Variants in PKNOX2 observed in about 807,000 individuals in gnomAD.
PKNOX2 encodes PBX/knotted 1 homeobox 2, also known as homeobox protein PKNOX2.
Under a neutral mutation model 53.1 loss-of-function variants are expected in PKNOX2, and 14 were observed. That is an observed-to-expected ratio of 0.26 (90% CI 0.17 to 0.41). PKNOX2 has a LOEUF of 0.41. Among genes scored for constraint, PKNOX2 ranks in the 10% least tolerant of loss-of-function variants. The pLI is 1.00. For missense variants in PKNOX2, 496 were observed against 602.8 expected, an observed-to-expected ratio of 0.82 and a Z score of 1.85; for synonymous variants, 257 against 242.8, an observed-to-expected ratio of 1.06 and a Z score of -0.54.
rs1459880754 is a variant in PKNOX2 at position 125,427,195 on chromosome 11, GC to G, written c.937-1812del. On this transcript the variant is annotated intron_variant, in intron 10 of 12. Coordinates refer to ENST00000298282, the MANE Select transcript of PKNOX2 (RefSeq NM_001382323.2). ...GAGCTCCCAGAGTCCTTGCCTCTCTGCCCCCTGGGGCCATCTGCACCCTCTC... is the reference window on the plus strand; with the variant it reads ...GAGCTCCCAGAGTCCTTGCCTCTCTGCCCCTGGGGCCATCTGCACCCTCTC... 5.3e-5 allele frequency among the ~76,000 whole-genome samples: 8 copies of G among 152,196 alleles called. No individual in the cohort carries two copies. The East Asian group carries it at 1.5e-3, about 29-fold the overall frequency.
At chr11:125,290,338 G>T (rs1000951083) in intron 2 of PKNOX2, among the ~76,000 whole-genome samples, 3 of 152,222 alleles carry the variant, frequency 2.0e-5, no homozygotes, top group African/African-American at 7.2e-5. Flanking sequence ...GTGCTTTTGG[G>T]GAAATGGAGT....
At chr11:125,280,231 C>T (rs1204490275) in intron 2 of PKNOX2, among the ~76,000 whole-genome samples, 2 of 151,834 alleles carry the variant, frequency 1.3e-5, no homozygotes, top group Non-Finnish European at 1.5e-5. Context: ...TTGCACTATT[C>T]CCAGTACAGT....
intron 1 of PKNOX2, among the ~76,000 whole-genome samples, chr11:125,231,815 G>A (rs1942232301): frequency 6.6e-6 from 1 of 152,114 alleles, no homozygotes; most frequent in South Asian, 2.1e-4. Flanking sequence ...TCTTTATTTT[G>A]GGGGAGATGA....
chr11:125,360,808 T>C (rs1951883482), intron 4 of PKNOX2, among the ~76,000 whole-genome samples: 1 of 152,238 alleles, frequency 6.6e-6, no homozygotes. Context: ...CTACTTTGCA[T>C]ATAATTGTCT....
intron 2 of PKNOX2, among the ~76,000 whole-genome samples, chr11:125,285,354 G>A (rs1341602117): frequency 6.6e-6 from 1 of 152,182 alleles, no homozygotes; most frequent in East Asian, 1.9e-4. Context: ...TAAGGATATT[G>A]AAGGGTATTA....
At chr11:125,248,394 T>G (rs1206516092) in intron 2 of PKNOX2, among the ~76,000 whole-genome samples, 1 of 152,140 alleles carries the variant, frequency 6.6e-6, no homozygotes, top group Non-Finnish European at 1.5e-5. Context: ...ACACTGATAC[T>G]CTACAGGCAA....
chr11:125,242,007 G>T (rs1448413811), intron 2 of PKNOX2, among the ~76,000 whole-genome samples: 2 of 152,238 alleles, frequency 1.3e-5, no homozygotes, highest in South Asian at 2.1e-4. Context: ...GGTGGAGGGG[G>T]ATGGCGGCGG....
intron 1 of PKNOX2, among the ~76,000 whole-genome samples, chr11:125,198,426 G>C (rs1938011778): frequency 6.6e-6 from 1 of 152,182 alleles, no homozygotes; most frequent in Non-Finnish European, 1.5e-5. Context: ...AGGGTAAGAA[G>C]GACGGTGCAT....
intron 1 of PKNOX2, among the ~76,000 whole-genome samples, chr11:125,175,243 G>GGAAGGAAGGAAGGAAT (rs2075477908): frequency 9.7e-6 from 1 of 102,834 alleles, no homozygotes; most frequent in African/African-American, 3.2e-5. Flanking sequence ...AAGGAAGGAA[G>GGAAGGAAGGAAGGAAT]GAAGGAAAGA....
chr11:125,397,821 G>A (rs1954503452), intron 6 of PKNOX2, 53 bp from the exon 7 acceptor site: 1 of 1,538,788 alleles, frequency 6.5e-7, no homozygotes, highest in South Asian at 1.3e-5. Flanking sequence ...GGTCCAGGCA[G>A]TGAGGGAAAT....
intron 2 of PKNOX2, among the ~76,000 whole-genome samples, chr11:125,236,175 C>T (rs898643493): frequency 6.6e-6 from 1 of 152,212 alleles, no homozygotes; most frequent in Non-Finnish European, 1.5e-5. Flanking sequence ...AACATCCTGC[C>T]GATGGCTGCC....
At chr11:125,404,025 G>A (rs1170090173) in intron 7 of PKNOX2, among the ~76,000 whole-genome samples, 1 of 152,102 alleles carries the variant, frequency 6.6e-6, no homozygotes, top group Non-Finnish European at 1.5e-5. Context: ...GAAGGGGTAG[G>A]GGGCCATCAC....
At chr11:125,248,981 A>C (rs1424136035) in intron 2 of PKNOX2, among the ~76,000 whole-genome samples, 1 of 136,638 alleles carries the variant, frequency 7.3e-6, no homozygotes, top group Non-Finnish European at 1.6e-5. Flanking sequence ...TACATATAAT[A>C]TATGTATATA....
chr11:125,236,574 C>T (rs1001368013), intron 2 of PKNOX2, among the ~76,000 whole-genome samples: 3 of 152,168 alleles, frequency 2.0e-5, no homozygotes, highest in Non-Finnish European at 2.9e-5. Context: ...TGAGGGCAGC[C>T]GGGCACCTGG....
At chr11:125,363,454 C>T (rs1952027907) in intron 4 of PKNOX2, among the ~76,000 whole-genome samples, 1 of 152,192 alleles carries the variant, frequency 6.6e-6, no homozygotes, top group South Asian at 2.1e-4. Context: ...AGCATCAAAC[C>T]CAGGGCCGGA....
At chr11:125,329,140 T>A (rs1950004868) in intron 2 of PKNOX2, among the ~76,000 whole-genome samples, 1 of 152,214 alleles carries the variant, frequency 6.6e-6, no homozygotes, top group African/African-American at 2.4e-5. Flanking sequence ...AGTATACCCA[T>A]AAATGGAATG....
At chr11:125,347,188 G>A (rs1170809155) in intron 3 of PKNOX2, among the ~76,000 whole-genome samples, 6 of 152,130 alleles carry the variant, frequency 3.9e-5, no homozygotes, top group Non-Finnish European at 8.8e-5. Context: ...GGGTGGGACA[G>A]TGAGGGGCCA....
chr11:125,256,053 A>G (rs1038363478), intron 2 of PKNOX2, among the ~76,000 whole-genome samples: 2 of 151,976 alleles, frequency 1.3e-5, no homozygotes, highest in Non-Finnish European at 2.9e-5. Context: ...GAGTTCTCCA[A>G]TCTCAGGAAA....
chr11:125,324,618 C>T (rs1486188289), intron 2 of PKNOX2, among the ~76,000 whole-genome samples: 2 of 152,136 alleles, frequency 1.3e-5, no homozygotes, highest in Admixed American at 6.5e-5. Context: ...GTGGCTGGAA[C>T]GGTCCTCGTG....
Sources: allele counts gnomAD v4.1 joint callset (sites outside exome capture counted in the v4.1 genomes callset), GRCh38; gene constraint gnomAD v4.1.1; transcripts MANE v1.5; gene names NCBI Gene and HGNC (gene_info 2026-07-23, HGNC 2026-07-21).